The following CXCL9 variants were observed in gnomAD, a reference collection of about 807,000 sequenced individuals.
CXCL9 encodes C-X-C motif chemokine ligand 9, also known as C-X-C motif chemokine 9.
A neutral mutation model predicts 11.7 loss-of-function variants in CXCL9; 8 were observed. The ratio of observed to expected loss-of-function variants is 0.68; its 90% CI spans 0.40 to 1.23. The LOEUF (loss-of-function observed/expected upper bound fraction) is 1.23. CXCL9 is among the 50% of genes most tolerant of loss of function. The pLI, the probability that CXCL9 is intolerant of heterozygous loss-of-function variation, is 0.01. For synonymous variants in CXCL9, 43 were observed against 48.2 expected (o/e 0.89, Z 0.45); for missense variants, 133 against 141.7 (o/e 0.94, Z 0.31).
At chr4:76,003,742 C>A in intron 3 of CXCL9, 43 bp from the exon 4 acceptor site, 1 of 1,157,800 alleles carries the variant, frequency 8.6e-7, no homozygotes. Flanking sequence ...CTGAATCTTA[C>A]CATTTTTACT....
chr4:76,007,271 CT>C, intron 1 of CXCL9, 114 bp downstream of exon 1: 1 of 755,444 alleles, frequency 1.3e-6, no homozygotes, highest in East Asian at 2.4e-5. Context: ...GCTTTTATGA[CT>C]GACCAAATAT....
rs1382810172 is a variant in CXCL9, at chr4:76,003,127, A to G, written c.*471T>C. On this transcript the variant is annotated 3_prime_UTR_variant, in exon 4 of 4. Transcript: ENST00000264888. ...GTGAGGCCTGTAGGCTGATTCAAAT[A>G]CAGAGGTTGATGGCCACAGCAGCTT... 4 of 155,922 alleles carry G rather than the reference A, an allele frequency of 2.6e-5. No homozygotes were observed. The highest frequency in any genetic ancestry group is 9.6e-5 in the African/African-American group (4 of 41,488). 9.7% of individuals were successfully genotyped at this position (155,922 alleles called of 1,614,324 possible). A position where few individuals can be genotyped will look rare whatever the true frequency, so the allele number is the denominator to read the frequency against.
chr4:76,007,500 G>T lies in CXCL9; in HGVS notation c.-51C>A. 3 of 1,016,812 alleles carry T rather than the reference G, an allele frequency of 3.0e-6. No individual in the cohort carries two copies. Among genetic ancestry groups the T allele is most frequent in the Non-Finnish European group, 3.2e-6 (2 of 634,446 alleles). 63.0% of individuals were successfully genotyped at this position (1,016,812 alleles called of 1,614,324 possible). A position where few individuals can be genotyped will look rare whatever the true frequency, so the allele number is the denominator to read the frequency against. On this transcript the variant is annotated 5_prime_UTR_variant, in exon 1 of 4. Coordinates refer to ENST00000264888, the MANE Select transcript of CXCL9 (RefSeq NM_002416.3). Reference sequence around the variant, plus strand: ...CTCCTGTATTGGATTTTGAGCCTGAGAAATTCTTTAGAGAACACATTTTGG... The same window carrying T: ...CTCCTGTATTGGATTTTGAGCCTGATAAATTCTTTAGAGAACACATTTTGG...
intron 3 of CXCL9, 46 bp from the exon 4 acceptor site, chr4:76,003,745 T>G: frequency 8.8e-7 from 1 of 1,130,350 alleles, no homozygotes; most frequent in Non-Finnish European, 1.3e-6. Context: ...AATCTTACCA[T>G]TTTTACTTCC....
intron 3 of CXCL9, among the ~76,000 whole-genome samples, chr4:76,004,417 C>T (rs1483735909): frequency 1.3e-5 from 2 of 152,204 alleles, no homozygotes; most frequent in Admixed American, 6.5e-5. Context: ...TAAGTACTCC[C>T]TCCTCTATGT....
At chr4:76,003,772 C>A in intron 3 of CXCL9, 73 bp from the exon 4 acceptor site, 1 of 890,814 alleles carries the variant, frequency 1.1e-6, no homozygotes, top group Non-Finnish European at 1.8e-6. Flanking sequence ...TTGGACTCTC[C>A]TGATCATTGT....
At chr4:76,006,315 A>G in intron 1 of CXCL9, 41 bp from the exon 2 acceptor site, 4 of 1,578,986 alleles carry the variant, frequency 2.5e-6, no homozygotes, top group Non-Finnish European at 3.4e-6. Flanking sequence ...GTATAGGCCA[A>G]TGTTTCAGTT....
In CXCL9 at chr4:76,003,688, C is replaced by A; in HGVS notation, c.288G>T (p.Lys96Asn). 1.2e-6 allele frequency: 2 copies of A among 1,605,396 alleles called. No individual in the cohort carries two copies. The highest frequency in any genetic ancestry group is 2.2e-5 in the South Asian group (2 of 90,750). The change falls in exon 4 of 4, where the codon AAG (lysine) becomes AAT (asparagine). Residue 96 changes from lysine (K) to asparagine (N), a missense_variant. Physicochemically the swap from Lys to Asn is moderately conservative, Grantham distance 94. Transcript: ENST00000264888. ...IKKWEKQVSQ[K>N]KKQKNGKKHQ... is the part of the protein sequence containing the mutation. ...GTTTTTTCCCATTCTTTTGCTTTTT[C>A]TTTTGGCTGACCTGTGAGAAGAAGG...
chr4:76,003,309 G>A lies in CXCL9; in HGVS notation c.*289C>T, dbSNP rs900382918. The A allele has an allele frequency of 4.2e-5, 12 of 288,644 alleles. No homozygotes were observed. Among genetic ancestry groups the A allele is most frequent in the African/African-American group, 1.1e-4 (5 of 44,642 alleles). The allele number at this position is 288,644 out of a possible 1,614,324, so 17.9% of individuals were successfully genotyped here. A position where few individuals can be genotyped will look rare whatever the true frequency, so the allele number is the denominator to read the frequency against. ...GCTGTTGTGAGTGGGATGTGGTTGG[G>A]TGAACATCTGTGTAGACATGGGTAT... On this transcript the variant is annotated 3_prime_UTR_variant, in exon 4 of 4. Transcript: ENST00000264888.
At position 76,004,079 on chromosome 4, in the gene CXCL9, C is replaced by G. The variant is rs1731531969; in HGVS notation, c.277-380G>C. On this transcript the variant is annotated intron_variant, in intron 3 of 3. Transcript: ENST00000264888. ...AGACAGCTAGTATGTGGCAGAACCT[C>G]CAGTCTGTGAGACTCCAGAACCCAA... Among the ~76,000 whole-genome samples, 3 of 152,148 alleles carry G rather than the reference C, an allele frequency of 2.0e-5. No individual in the cohort carries two copies. In the South Asian group the frequency reaches 6.2e-4, roughly 31 times the overall value.
intron 3 of CXCL9, among the ~76,000 whole-genome samples, chr4:76,003,920 CTTA>C (rs933969928): frequency 1.3e-5 from 2 of 152,194 alleles, no homozygotes; most frequent in African/African-American, 4.8e-5. Context: ...ATTCTTCTGG[CTTA>C]TTACATTCTC....
chr4:76,001,862 A>G lies in CXCL9; in HGVS notation c.*1736T>C. 5.9e-6 allele frequency: 1 copy of G among 168,706 alleles called. No individual in the cohort carries two copies. Among genetic ancestry groups the G allele is most frequent in the Non-Finnish European group, 1.3e-5 (1 of 79,112 alleles). The allele number at this position is 168,706 out of a possible 1,614,324, so 10.5% of individuals were successfully genotyped here. ...TGATTCAATTTGGGAAAGTGAGTAT[A>G]GGTTTAAATTCTGGCCACAGACAAC... On this transcript the variant is annotated 3_prime_UTR_variant, in exon 4 of 4. Coordinates refer to ENST00000264888, the MANE Select transcript of CXCL9 (RefSeq NM_002416.3).
chr4:76,003,515 T>G lies in CXCL9; in HGVS notation c.*83A>C, dbSNP rs539064382. The G allele has an allele frequency of 7.5e-5, 58 of 776,014 alleles. No homozygotes were observed. In the African/African-American group the frequency reaches 9.4e-4, roughly 13 times the overall value. 48.1% of individuals were successfully genotyped at this position (776,014 alleles called of 1,614,324 possible). A position where few individuals can be genotyped will look rare whatever the true frequency, so the allele number is the denominator to read the frequency against. ...GTCAAATTAATAAGCCTTTGTATTATATGCCATCCTCCTTTGGAATGATAG... is the reference window on the plus strand; with the variant it reads ...GTCAAATTAATAAGCCTTTGTATTAGATGCCATCCTCCTTTGGAATGATAG... On this transcript the variant is annotated 3_prime_UTR_variant, in exon 4 of 4. Transcript: ENST00000264888.
At chr4:76,007,306 T>A (rs1731606361) in intron 1 of CXCL9, 80 bp downstream of exon 1, 2 of 849,460 alleles carry the variant, frequency 2.4e-6, no homozygotes, top group Admixed American at 1.7e-5. Context: ...AGGCAGAACA[T>A]TCACCTTTAT....
intron 3 of CXCL9, among the ~76,000 whole-genome samples, chr4:76,004,526 T>C (rs1371158194): frequency 6.6e-6 from 1 of 152,204 alleles, no homozygotes; most frequent in East Asian, 1.9e-4. Flanking sequence ...ATTATCTTTG[T>C]ATCCTGTGTC....
rs376222900 is a variant in CXCL9 at position 76,004,908 on chromosome 4, G to A, written c.192-15C>T. ...TCAGTGTAGCACTGCCAAAGAAATAGCAATGAGATAGTTTTTTCTCATTAA... is the reference window on the plus strand; with the variant it reads ...TCAGTGTAGCACTGCCAAAGAAATAACAATGAGATAGTTTTTTCTCATTAA... On this transcript the variant is annotated splice_polypyrimidine_tract_variant and intron_variant, in intron 2 of 3. Transcript: ENST00000264888. The A allele has an allele frequency of 5.0e-5, 76 of 1,526,602 alleles. No homozygotes were observed. In the African/African-American group the frequency reaches 1.1e-3, roughly 21 times the overall value. The allele number at this position is 1,526,602 out of a possible 1,614,324, so 94.6% of individuals were successfully genotyped here.
chr4:76,006,365 A>T lies in CXCL9; in HGVS notation c.65-91T>A, dbSNP rs1731587304. 2.3e-6 allele frequency: 3 copies of T among 1,284,292 alleles called. No individual in the cohort carries two copies. In the Admixed American group the frequency reaches 6.4e-5, roughly 27 times the overall value. 79.6% of individuals were successfully genotyped at this position (1,284,292 alleles called of 1,614,324 possible). On this transcript the variant is annotated intron_variant, in intron 1 of 3. Transcript: ENST00000264888. ...AAATGATACACTTGACTGAGTCATGATTATTGCTATCATTTACCGAGTGCC... is the reference window on the plus strand; with the variant it reads ...AAATGATACACTTGACTGAGTCATGTTTATTGCTATCATTTACCGAGTGCC...
rs1206775087 is a variant in CXCL9 at position 76,003,378 on chromosome 4, G to C, written c.*220C>G. The C allele has an allele frequency of 2.0e-6, 1 of 497,808 alleles. No individual in the cohort carries two copies. Among genetic ancestry groups the C allele is most frequent in the African/African-American group, 2.0e-5 (1 of 50,150 alleles). 30.8% of individuals were successfully genotyped at this position (497,808 alleles called of 1,614,324 possible). On this transcript the variant is annotated 3_prime_UTR_variant, in exon 4 of 4. Coordinates refer to ENST00000264888, the MANE Select transcript of CXCL9 (RefSeq NM_002416.3). ...AAGCATGATGAAATTCAACTGGTGG[G>C]TGGTAGAAGAACAAAGACAATCATA...
Position 76,007,380 on chromosome 4 carries a change from C to T in CXCL9, c.64+6G>A. ...TTACTTTACAACCTAACTCAGAACC[C>T]CTTACCTTGCACTCCAATCAGAACC... On this transcript the variant is annotated splice_donor_region_variant and intron_variant, in intron 1 of 3. Coordinates refer to ENST00000264888, the MANE Select transcript of CXCL9 (RefSeq NM_002416.3). The T allele has an allele frequency of 6.5e-7, 1 of 1,533,792 alleles. No individual in the cohort carries two copies. Among genetic ancestry groups the T allele is most frequent in the Non-Finnish European group, 9.0e-7 (1 of 1,106,776 alleles).
Sources: gnomAD v4.1 joint callset for allele counts (sites outside exome capture counted in the v4.1 genomes callset) on GRCh38, gnomAD v4.1.1 for gene constraint, MANE v1.5 for transcripts, NCBI Gene and HGNC (gene_info 2026-07-23, HGNC 2026-07-21) for gene names.